Variants in RELN observed in about 807,000 individuals in gnomAD.
RELN encodes reelin.
RELN carries 108 observed loss-of-function variants against 427.6 expected under a neutral mutation model. The observed-to-expected ratio is 0.25, with a 90% CI of 0.22 to 0.30. The LOEUF is 0.30. Among genes scored for constraint, RELN ranks in the 10% least tolerant of loss-of-function variants. The pLI is 1.00. For synonymous variants in RELN, 1,524 were observed against 1,513.4 expected, an observed-to-expected ratio of 1.01 and a Z score of -0.16; for missense variants, 3,715 against 4,302.8, an observed-to-expected ratio of 0.86 and a Z score of 3.82.
intron 8 of RELN, among the ~76,000 whole-genome samples, chr7:103,714,487 C>T (rs1003273277): frequency 1.3e-5 from 2 of 152,148 alleles, no homozygotes; most frequent in Non-Finnish European, 2.9e-5. Context: ...ATAGGGAATG[C>T]GGTTGAGTCA....
At chr7:103,664,186 A>G (rs1252518944) in intron 11 of RELN, among the ~76,000 whole-genome samples, 2 of 152,220 alleles carry the variant, frequency 1.3e-5, no homozygotes, top group Non-Finnish European at 2.9e-5. Context: ...AGAAGTCATA[A>G]ACTGGTGTTT....
At chr7:103,562,330 T>C (rs953409082) in intron 34 of RELN, among the ~76,000 whole-genome samples, 1 of 152,174 alleles carries the variant, frequency 6.6e-6, no homozygotes, top group Non-Finnish European at 1.5e-5. Context: ...TTGAAGGTGA[T>C]AAACATGAGG....
intron 46 of RELN, among the ~76,000 whole-genome samples, chr7:103,528,183 G>T (rs1432843628): frequency 6.6e-6 from 1 of 152,088 alleles, no homozygotes; most frequent in Non-Finnish European, 1.5e-5. Context: ...AATAAAATGT[G>T]GTATATCCAT....
intron 20 of RELN, among the ~76,000 whole-genome samples, chr7:103,613,766 T>C (rs759525039): frequency 6.6e-6 from 1 of 152,208 alleles, no homozygotes; most frequent in Non-Finnish European, 1.5e-5. Flanking sequence ...TGGTAGTACA[T>C]GGGCTGAAGG....
At chr7:103,571,432 A>G (rs1435355141) in intron 31 of RELN, among the ~76,000 whole-genome samples, 1 of 152,168 alleles carries the variant, frequency 6.6e-6, no homozygotes, top group East Asian at 1.9e-4. Context: ...AGAAGATGGT[A>G]TGAGTGCCTA....
intron 50 of RELN, among the ~76,000 whole-genome samples, chr7:103,511,456 C>T (rs766805611): frequency 1.7e-4 from 25 of 151,130 alleles, no homozygotes; most frequent in Non-Finnish European, 1.6e-4. Context: ...TTTTTAATAC[C>T]GGATAGGGAA....
At chr7:103,540,850 TTGAAACGGGA>T (rs148595231) in intron 43 of RELN, among the ~76,000 whole-genome samples, 1,965 of 152,308 alleles carry the variant, frequency 0.013, 49 homozygotes, top group African/African-American at 0.045. Context: ...AACTGAAAGT[TTGAAACGGGA>T]AGAATGTAAT....
chr7:103,668,808 A>G (rs1443184429), intron 11 of RELN, among the ~76,000 whole-genome samples: 2 of 152,146 alleles, frequency 1.3e-5, no homozygotes, highest in East Asian at 3.9e-4. Context: ...CATTTATCCC[A>G]ATTAAACCAC....
intron 48 of RELN, among the ~76,000 whole-genome samples, chr7:103,519,969 C>A (rs188087297): frequency 6.6e-6 from 1 of 152,260 alleles, no homozygotes; most frequent in African/African-American, 2.4e-5. Context: ...AGGTACCCAG[C>A]ACATGTTTGC....
chr7:103,825,249 G>C (rs184995665), intron 3 of RELN, among the ~76,000 whole-genome samples: 18 of 152,204 alleles, frequency 1.2e-4, no homozygotes, highest in African/African-American at 4.1e-4. Flanking sequence ...TGGAAGATCA[G>C]CAAGGGGAAA....
intron 2 of RELN, among the ~76,000 whole-genome samples, chr7:103,883,324 T>C (rs1219296469): frequency 6.6e-6 from 1 of 152,152 alleles, no homozygotes; most frequent in African/African-American, 2.4e-5. Flanking sequence ...ACAGCCAATA[T>C]CATACTGAAT....
intron 8 of RELN, among the ~76,000 whole-genome samples, chr7:103,703,056 G>A (rs1388005959): frequency 6.6e-6 from 1 of 152,146 alleles, no homozygotes; most frequent in Non-Finnish European, 1.5e-5. Flanking sequence ...TTCCAACAGA[G>A]GGGTGGACAA....
At chr7:103,571,145 G>A (rs1362924795) in intron 31 of RELN, among the ~76,000 whole-genome samples, 2 of 152,194 alleles carry the variant, frequency 1.3e-5, no homozygotes, top group Admixed American at 1.3e-4. Flanking sequence ...GATGAACACA[G>A]CTGTTGGTAG....
chr7:103,680,100 T>A (rs1023809531), intron 11 of RELN, among the ~76,000 whole-genome samples: 9 of 152,002 alleles, frequency 5.9e-5, no homozygotes, highest in African/African-American at 2.2e-4. Flanking sequence ...TAAAAATAAA[T>A]TTTATTTCCC....
At chr7:103,804,827 A>T (rs544214134) in intron 3 of RELN, among the ~76,000 whole-genome samples, 2 of 152,132 alleles carry the variant, frequency 1.3e-5, no homozygotes, top group Non-Finnish European at 2.9e-5. Flanking sequence ...GCTTTTTGCA[A>T]TGTATTTTCT....
chr7:103,717,613 A>T (rs1387300799), intron 8 of RELN, among the ~76,000 whole-genome samples: 1 of 151,870 alleles, frequency 6.6e-6, no homozygotes, highest in Non-Finnish European at 1.5e-5. Flanking sequence ...AAACATATGT[A>T]TTATTTTTGC....
chr7:103,555,126 T>A (rs145409567), intron 38 of RELN, among the ~76,000 whole-genome samples: 1 of 152,274 alleles, frequency 6.6e-6, no homozygotes, highest in African/African-American at 2.4e-5. Context: ...ATTCAGTGAT[T>A]TAGACCAGGT....
chr7:103,500,959 A>G, intron 52 of RELN, 37 bp from the exon 53 acceptor site: 1 of 1,600,718 alleles, frequency 6.2e-7, no homozygotes, highest in Non-Finnish European at 8.6e-7. Flanking sequence ...TGAAAAACAA[A>G]AGTTAACTGT....
chr7:103,533,193 T>G (rs1270128481), intron 46 of RELN, among the ~76,000 whole-genome samples: 2 of 152,210 alleles, frequency 1.3e-5, no homozygotes, highest in African/African-American at 4.8e-5. Context: ...GCTGCAGTTG[T>G]GACATGGTCA....
Sources: allele counts gnomAD v4.1 joint callset (sites outside exome capture counted in the v4.1 genomes callset), GRCh38; gene constraint gnomAD v4.1.1; transcripts MANE v1.5; gene names NCBI Gene and HGNC (gene_info 2026-07-23, HGNC 2026-07-21).